Variants in GYPC observed in about 807,000 individuals in gnomAD.
The protein encoded by GYPC is glycophorin C (Gerbich blood group), also known as glycophorin-C.
GYPC carries 14 observed loss-of-function variants against 12.6 expected under a neutral mutation model. The ratio of observed to expected loss-of-function variants is 1.11; its 90% CI spans 0.74 to 1.74. The LOEUF is 1.74. Among genes scored for constraint, GYPC ranks in the 40% most tolerant of loss-of-function variants. The pLI is 0.00. For missense variants in GYPC, 225 were observed against 172.1 expected (o/e 1.31, Z -1.72); for synonymous variants, 78 against 62.1 (o/e 1.26, Z -1.20).
At chr2:126,662,114 C>A (rs1682550550) in intron 1 of GYPC, among the ~76,000 whole-genome samples, 1 of 152,214 alleles carries the variant, frequency 6.6e-6, no homozygotes, top group Non-Finnish European at 1.5e-5. Flanking sequence ...TCCTTGAACT[C>A]TGGCATGGAG....
intron 1 of GYPC, among the ~76,000 whole-genome samples, chr2:126,667,498 G>C (rs1368642437): frequency 6.6e-6 from 1 of 151,262 alleles, no homozygotes; most frequent in Non-Finnish European, 1.5e-5. Context: ...CTTCCTCCCA[G>C]GTTCAAGCAA....
chr2:126,666,875 C>A (rs1489758660), intron 1 of GYPC, among the ~76,000 whole-genome samples: 1 of 152,118 alleles, frequency 6.6e-6, no homozygotes, highest in African/African-American at 2.4e-5. Context: ...GGATCTGGTT[C>A]GGGACAGGGC....
intron 3 of GYPC, 45 bp from the exon 4 acceptor site, chr2:126,695,901 G>A (rs2104812976): frequency 6.5e-7 from 1 of 1,533,642 alleles, no homozygotes; most frequent in Non-Finnish European, 9.0e-7. Context: ...CCAGGCCCCA[G>A]AGCCCCTGCC....
rs559891471 is a variant in GYPC, at chr2:126,676,997, A to G, written c.50-13258A>G. Reference sequence around the variant, plus strand: ...AGTGCTCAAGGTACCCAGCTGCTCCAGGAGATAAAGTACTCCCTGCCTGCC... The same window carrying G: ...AGTGCTCAAGGTACCCAGCTGCTCCGGGAGATAAAGTACTCCCTGCCTGCC... On this transcript the variant is annotated intron_variant, in intron 1 of 3. Transcript: ENST00000259254. Among the ~76,000 whole-genome samples the G allele has an allele frequency of 2.0e-5, 3 of 152,348 alleles. No homozygotes were observed. The East Asian group carries it at 5.8e-4, about 29-fold the overall frequency.
chr2:126,662,550 AG>A (rs1420428956), intron 1 of GYPC, among the ~76,000 whole-genome samples: 1 of 152,224 alleles, frequency 6.6e-6, no homozygotes, highest in Non-Finnish European at 1.5e-5. Flanking sequence ...CGTCTGGCAC[AG>A]GGATGGCTTC....
At chr2:126,686,518 G>A (rs938424748) in intron 1 of GYPC, 22 of 985,382 alleles carry the variant, frequency 2.2e-5, no homozygotes, top group African/African-American at 1.6e-4. Context: ...CTGCAGTTTA[G>A]TTGGTTCGTG....
At chr2:126,662,988 G>A (rs1163676843) in intron 1 of GYPC, among the ~76,000 whole-genome samples, 2 of 152,176 alleles carry the variant, frequency 1.3e-5, no homozygotes, top group African/African-American at 4.8e-5. Context: ...GTCCCACAGA[G>A]ACCAGGGAAA....
At chr2:126,682,981 G>A (rs1283583989) in intron 1 of GYPC, among the ~76,000 whole-genome samples, 13 of 152,200 alleles carry the variant, frequency 8.5e-5, no homozygotes, top group Non-Finnish European at 1.6e-4. Flanking sequence ...CAGGCTGGGG[G>A]AATTGTGGTT....
chr2:126,683,004 A>C (rs1683190357), intron 1 of GYPC, among the ~76,000 whole-genome samples: 1 of 152,176 alleles, frequency 6.6e-6, no homozygotes. Context: ...GCTTTCCTTC[A>C]GTCTATGCCA....
intron 1 of GYPC, among the ~76,000 whole-genome samples, chr2:126,665,181 G>A (rs925527437): frequency 2.0e-5 from 3 of 152,176 alleles, no homozygotes; most frequent in Non-Finnish European, 4.4e-5. Context: ...ATGGGGAAGA[G>A]GGTGACTTTG....
chr2:126,681,170 C>T (rs1466524561), intron 1 of GYPC, among the ~76,000 whole-genome samples: 2 of 152,182 alleles, frequency 1.3e-5, no homozygotes, highest in African/African-American at 4.8e-5. Flanking sequence ...CGGTACTTAA[C>T]ATTTGAAGCG....
chr2:126,669,256 C>T lies in GYPC; in HGVS notation c.49+12944C>T, dbSNP rs570807943. On this transcript the variant is annotated intron_variant, in intron 1 of 3. Coordinates refer to ENST00000259254, the MANE Select transcript of GYPC (RefSeq NM_002101.5). ...CAGTGCTGATGTCCAGAGCTCACTACGTGCGCAGTGTTGCCTGGCGACATT... is the reference window on the plus strand; with the variant it reads ...CAGTGCTGATGTCCAGAGCTCACTATGTGCGCAGTGTTGCCTGGCGACATT... Among the ~76,000 whole-genome samples, 282 of 152,292 alleles carry T rather than the reference C, an allele frequency of 1.9e-3. 1 individual carries two copies. The highest frequency in any genetic ancestry group is 6.4e-3 in the African/African-American group (266 of 41,558).
intron 1 of GYPC, among the ~76,000 whole-genome samples, chr2:126,686,918 C>A (rs1295635272): frequency 6.6e-6 from 1 of 152,134 alleles, no homozygotes; most frequent in African/African-American, 2.4e-5. Flanking sequence ...AGAAGTATCC[C>A]TCAGCTCCAG....
intron 1 of GYPC, chr2:126,679,552 A>C (rs980175933): frequency 6.6e-6 from 1 of 152,198 alleles, no homozygotes; most frequent in East Asian, 1.9e-4. Flanking sequence ...AAGCAAAAAA[A>C]CACAGTCAGT....
intron 1 of GYPC, among the ~76,000 whole-genome samples, chr2:126,674,050 C>T (rs1302078976): frequency 5.9e-5 from 9 of 152,194 alleles, no homozygotes; most frequent in Admixed American, 5.9e-4. Context: ...GACACAAAGC[C>T]CGGACTCACA....
chr2:126,691,000 CTG>C (rs1393151591), intron 2 of GYPC, among the ~76,000 whole-genome samples: 20 of 152,058 alleles, frequency 1.3e-4, no homozygotes, highest in African/African-American at 4.6e-4. Flanking sequence ...CTGTTGGACT[CTG>C]TGTAACCTGG....
chr2:126,663,722 G>A (rs1034034842), intron 1 of GYPC, among the ~76,000 whole-genome samples: 1 of 152,158 alleles, frequency 6.6e-6, no homozygotes, highest in Non-Finnish European at 1.5e-5. Flanking sequence ...CCTGCCCTGG[G>A]CAAGGCCCTG....
intron 2 of GYPC, among the ~76,000 whole-genome samples, chr2:126,690,817 G>A (rs1428616667): frequency 6.6e-6 from 1 of 152,112 alleles, no homozygotes; most frequent in Non-Finnish European, 1.5e-5. Flanking sequence ...GGCTCCCCAT[G>A]GGTCATGGCT....
intron 1 of GYPC, among the ~76,000 whole-genome samples, chr2:126,677,698 C>T (rs1392454230): frequency 6.6e-6 from 1 of 152,142 alleles, no homozygotes; most frequent in East Asian, 1.9e-4. Flanking sequence ...TGCCGTAATC[C>T]TTCGCTAGGG....
Sources: gnomAD v4.1 joint callset for allele counts (sites outside exome capture counted in the v4.1 genomes callset) on GRCh38, gnomAD v4.1.1 for gene constraint, MANE v1.5 for transcripts, NCBI Gene and HGNC (gene_info 2026-07-23, HGNC 2026-07-21) for gene names.